The following RNF145 variants were observed in gnomAD, a reference collection of about 807,000 sequenced individuals.
RNF145 encodes the protein ring finger protein 145.
A neutral mutation model predicts 57.3 loss-of-function variants in RNF145; 12 were observed. The observed-to-expected ratio is 0.21, with a 90% CI of 0.13 to 0.34. RNF145 has a LOEUF of 0.34. RNF145 is among the 10% of genes least tolerant of loss of function. The pLI is 1.00. For synonymous variants in RNF145, 262 were observed against 288.3 expected, an observed-to-expected ratio of 0.91 and a Z score of 0.92; for missense variants, 429 against 799.0, an observed-to-expected ratio of 0.54 and a Z score of 5.58.
chr5:159,158,962 A>C lies in RNF145; in HGVS notation c.1700T>G (p.Val567Gly), dbSNP rs773123023. 4.3e-6 allele frequency: 7 copies of C among 1,613,812 alleles called. No individual in the cohort carries two copies. The highest frequency in any genetic ancestry group is 3.4e-6 in the Non-Finnish European group (4 of 1,179,846). The change falls in exon 11 of 11, where the codon GTC becomes GGC. Residue 567 changes from valine (V) to glycine (G), a missense_variant. Val to Gly is a moderately radical substitution (Grantham distance 109, BLOSUM62 -3). This residue lies in a region of RNF145 where 216 missense variants were observed against 457.6 expected (regional missense o/e 0.47). Transcript: ENST00000424310. ...HAGCLKKWLY[V>G]QETCPLCHCH... ...GTGGCACAGAGGGCAGGTCTCCTGGACATACAGCCATTTCTTAAGACAGCC... is the reference window on the plus strand; with the variant it reads ...GTGGCACAGAGGGCAGGTCTCCTGGCCATACAGCCATTTCTTAAGACAGCC...
chr5:159,160,424 A>G (rs1044216365), intron 10 of RNF145, among the ~76,000 whole-genome samples: 1 of 152,224 alleles, frequency 6.6e-6, no homozygotes, highest in African/African-American at 2.4e-5. Context: ...TACCCCACCT[A>G]AACTACAAAA....
Position 159,158,770 on chromosome 5 carries a change from T to C in RNF145, c.1892A>G (p.Glu631Gly). 1 of 1,614,000 alleles carries C rather than the reference T, an allele frequency of 6.2e-7. No homozygotes were observed. Among genetic ancestry groups the C allele is most frequent in the Non-Finnish European group, 8.5e-7 (1 of 1,179,868 alleles). ...RIQEGSRDNN[E>G]YIARRPDNQE... Reference sequence around the variant, plus strand: ...GTTATCTGGTCGTCTGGCAATGTACTCATTATTGTCCCTGGAACCTTCCTG... The same window carrying C: ...GTTATCTGGTCGTCTGGCAATGTACCCATTATTGTCCCTGGAACCTTCCTG... The change falls in exon 11 of 11, where the codon GAG becomes GGG. Residue 631 changes from glutamate to glycine, a missense_variant. Physicochemically the swap from Glu to Gly is moderately conservative, Grantham distance 98. This residue lies in a region of RNF145 where 102 missense variants were observed against 106.2 expected (regional missense o/e 0.96). Transcript: ENST00000424310.
intron 2 of RNF145, among the ~76,000 whole-genome samples, chr5:159,200,998 A>C (rs1286929230): frequency 6.6e-6 from 1 of 152,226 alleles, no homozygotes; most frequent in Non-Finnish European, 1.5e-5. Context: ...GGAACTCTCA[A>C]CCACGGTTTT....
In RNF145 at chr5:159,161,461, G is replaced by A. The variant is rs766876762; in HGVS notation, c.1431C>T (p.Thr477=). ...LCVVAYGVSE[T]IFGEWTVMGS... is the part of the protein sequence containing the mutation. Reference sequence around the variant, plus strand: ...CCATCACTGTCCATTCTCCAAAGATGGTCTCTGAGACGCCATAGGCCACCA... The same window carrying A: ...CCATCACTGTCCATTCTCCAAAGATAGTCTCTGAGACGCCATAGGCCACCA... The change falls in exon 10 of 11, where the codon ACC becomes ACT. Residue 477 remains threonine, a synonymous_variant. Coordinates refer to ENST00000424310, the MANE Select transcript of RNF145 (RefSeq NM_001199383.2). 5.0e-6 allele frequency: 8 copies of A among 1,614,030 alleles called. No homozygotes were observed. In the South Asian group the frequency reaches 7.7e-5, roughly 16 times the overall value.
At chr5:159,208,797 G>A (rs1785993756) in intron 1 of RNF145, among the ~76,000 whole-genome samples, 1 of 151,882 alleles carries the variant, frequency 6.6e-6, no homozygotes, top group Non-Finnish European at 1.5e-5. Flanking sequence ...CTCTGGAAGG[G>A]TCTTGAAAAA....
intron 6 of RNF145, among the ~76,000 whole-genome samples, chr5:159,172,350 G>A (rs10075570): frequency 0.41 from 61,612 of 151,702 alleles, 14,983 homozygotes; most frequent in African/African-American, 0.67. Flanking sequence ...GTGTGGTGGC[G>A]CATGCCTGTA....
Position 159,169,702 on chromosome 5 carries a change from G to A in RNF145, c.915C>T (p.Phe305=). Reference sequence around the variant, plus strand: ...ACCGATTCATGGCAGGATCATTCATGAAAGCTCGATAACCCTGCAAGTAAA... The same window carrying A: ...ACCGATTCATGGCAGGATCATTCATAAAAGCTCGATAACCCTGCAAGTAAA... The part of the protein sequence containing the change: ...CKFYLQGYRA[F]MNDPAMNRGM... Residue 305 remains phenylalanine, a synonymous_variant, in exon 7 of 11, where the codon TTC becomes TTT. Transcript: ENST00000424310. 1 of 1,608,586 alleles carries A rather than the reference G, an allele frequency of 6.2e-7. No homozygotes were observed. Among genetic ancestry groups the A allele is most frequent in the Non-Finnish European group, 8.5e-7 (1 of 1,178,218 alleles).
intron 6 of RNF145, among the ~76,000 whole-genome samples, chr5:159,173,480 G>A (rs972977279): frequency 6.6e-6 from 1 of 152,080 alleles, no homozygotes; most frequent in Non-Finnish European, 1.5e-5. Flanking sequence ...AACTCAGGTG[G>A]GTCTGAGTGC....
In RNF145 at chr5:159,206,133, G is replaced by A. The variant is rs545977588; in HGVS notation, c.-39-2477C>T. Among the ~76,000 whole-genome samples, 38 of 152,160 alleles carry A rather than the reference G, an allele frequency of 2.5e-4. 1 individual carries two copies. Among genetic ancestry groups the A allele is most frequent in the African/African-American group, 7.0e-4 (29 of 41,526 alleles). ...TCTATTTCTATAAAGAGAAAATACC[G>A]GGTCCCGAAAGCTGTCAATAAAAAA... On this transcript the variant is annotated intron_variant, in intron 1 of 10. Transcript: ENST00000424310.
In RNF145 at chr5:159,179,565, CTTAG is replaced by C. The variant is rs778027427; in HGVS notation, c.385+2391_385+2394del. Among the ~76,000 whole-genome samples, 5 of 151,990 alleles carry C rather than the reference CTTAG, an allele frequency of 3.3e-5. No homozygotes were observed. The East Asian group carries it at 5.8e-4, about 18-fold the overall frequency. On this transcript the variant is annotated intron_variant, in intron 4 of 10. Transcript: ENST00000424310. ...GTTTATGGACTTTGGAAAGTTGAAT[CTTAG>C]TTAAGTAAACAGAAGACCATGGCCA...
upstream of RNF145, chr5:159,209,854 T>A: frequency 6.5e-7 from 1 of 1,535,980 alleles, no homozygotes; most frequent in South Asian, 1.2e-5. Flanking sequence ...CACACTCACC[T>A]GCAGGGACCA....
chr5:159,209,587 TGCGCGCGGCCCAGCCAGCGCGGCGC>T, upstream of RNF145: 1 of 1,031,878 alleles, frequency 9.7e-7, no homozygotes, highest in Non-Finnish European at 1.2e-6. Context: ...ACTCTGCGCC[TGCGCGCGGCCCAGCCAGCGCGGCGC>T]GCCCCTCCCG....
intron 6 of RNF145, among the ~76,000 whole-genome samples, chr5:159,173,230 A>T (rs895161437): frequency 1.3e-5 from 2 of 149,950 alleles, no homozygotes; most frequent in African/African-American, 4.9e-5. Flanking sequence ...ACACTATGAG[A>T]TTTTTTTTTT....
chr5:159,178,358 T>G (rs1784780645), intron 4 of RNF145, among the ~76,000 whole-genome samples: 1 of 151,972 alleles, frequency 6.6e-6, no homozygotes, highest in Non-Finnish European at 1.5e-5. Context: ...AACTCCAAAA[T>G]CTTTTACATA....
rs752058309 is a variant in RNF145 at position 159,181,932 on chromosome 5, T to A, written c.385+28A>T. 2.2e-6 allele frequency: 3 copies of A among 1,344,102 alleles called. No individual in the cohort carries two copies. In the Admixed American group the frequency reaches 5.2e-5, roughly 23 times the overall value. The allele number at this position is 1,344,102 out of a possible 1,614,324, so 83.3% of individuals were successfully genotyped here. A position where few individuals can be genotyped will look rare whatever the true frequency, so the allele number is the denominator to read the frequency against. On this transcript the variant is annotated intron_variant, in intron 4 of 10. Coordinates refer to ENST00000424310, the MANE Select transcript of RNF145 (RefSeq NM_001199383.2). ...TTAGTAAGACTGGTCGGTTCCTACC[T>A]ACACTTTAATTCTTTTATAATACTT... is the stretch of plus-strand genomic sequence containing the variant.
In RNF145 at chr5:159,209,538, G is replaced by T; in HGVS notation, c.-347C>A. 1.0e-6 allele frequency: 1 copy of T among 972,710 alleles called. No individual in the cohort carries two copies. Among genetic ancestry groups the T allele is most frequent in the Non-Finnish European group, 1.2e-6 (1 of 819,766 alleles). The allele number at this position is 972,710 out of a possible 1,614,324, so 60.3% of individuals were successfully genotyped here. A position where few individuals can be genotyped will look rare whatever the true frequency, so the allele number is the denominator to read the frequency against. ...ATGGCCTCCTGCGTTTGCTCCTCCC[G>T]CCCCCGGCGCTCTGCGGCGGCCGCG... On this transcript the variant is annotated 5_prime_UTR_variant, in exon 1 of 11. Transcript: ENST00000424310.
intron 10 of RNF145, among the ~76,000 whole-genome samples, chr5:159,160,086 G>A (rs1307387033): frequency 2.6e-5 from 4 of 152,156 alleles, no homozygotes; most frequent in Admixed American, 6.5e-5. Context: ...TTGAATCCCC[G>A]AGATGGAATA....
chr5:159,161,624 TG>T lies in RNF145; in HGVS notation c.1270-3del, dbSNP rs1784218882. 1.5e-6 allele frequency: 2 copies of T among 1,354,252 alleles called. No individual in the cohort carries two copies. Among genetic ancestry groups the T allele is most frequent in the Non-Finnish European group, 2.0e-6 (2 of 1,023,266 alleles). 83.9% of individuals were successfully genotyped at this position (1,354,252 alleles called of 1,614,324 possible). Reference sequence around the variant, plus strand: ...ATAAATAAAAAGTGTTCCCAGAACCTGAAAAAAAAAAAAAAATGTACGTATC... The same window carrying T: ...ATAAATAAAAAGTGTTCCCAGAACCTAAAAAAAAAAAAAAATGTACGTATC... On this transcript the variant is annotated splice_polypyrimidine_tract_variant and splice_region_variant and intron_variant, in intron 9 of 10. Transcript: ENST00000424310.
rs1487135507 is a variant in RNF145 at position 159,158,444 on chromosome 5, A to G, written c.*226T>C. 1.8e-6 allele frequency: 1 copy of G among 543,374 alleles called. No homozygotes were observed. Among genetic ancestry groups the G allele is most frequent in the Non-Finnish European group, 3.2e-6 (1 of 308,150 alleles). The allele number at this position is 543,374 out of a possible 1,614,324, so 33.7% of individuals were successfully genotyped here. A position where few individuals can be genotyped will look rare whatever the true frequency, so the allele number is the denominator to read the frequency against. ...ACAAACCTCTATAAAACATCAGCAG[A>G]GAACATATAAATACATTTTGATTAG... On this transcript the variant is annotated 3_prime_UTR_variant, in exon 11 of 11. Transcript: ENST00000424310.
Sources: gnomAD v4.1 joint callset for allele counts (sites outside exome capture counted in the v4.1 genomes callset) on GRCh38, gnomAD v4.1.1 for gene constraint, gnomAD v4.1.1 regional missense constraint, MANE v1.5 for transcripts, NCBI Gene and HGNC (gene_info 2026-07-23, HGNC 2026-07-21) for gene names.